ME3: variants seen among roughly 807,000 people sequenced by gnomAD.
The protein encoded by ME3 is NADP-dependent malic enzyme, mitochondrial.
Under a neutral mutation model 68.9 loss-of-function variants are expected in ME3, and 48 were observed. That is an observed-to-expected ratio of 0.70 (90% CI 0.55 to 0.89). ME3 has a LOEUF of 0.89. ME3 is among the 40% of genes least tolerant of loss of function. The probability of loss-of-function intolerance (pLI) is 0.00; values close to 1 mark genes in which losing one functional copy is unlikely to be tolerated. For missense variants in ME3, 675 were observed against 797.4 expected (o/e 0.85, Z 1.85); for synonymous variants, 320 against 318.8 (o/e 1.00, Z -0.04).
intron 2 of ME3, among the ~76,000 whole-genome samples, chr11:86,598,744 G>A (rs1960023664): frequency 6.6e-6 from 1 of 152,192 alleles, no homozygotes; most frequent in Non-Finnish European, 1.5e-5. Context: ...GTACTCCTCT[G>A]AGACAAAACT....
chr11:86,491,566 C>A (rs1174911097), intron 6 of ME3, among the ~76,000 whole-genome samples: 1 of 152,202 alleles, frequency 6.6e-6, no homozygotes, highest in Non-Finnish European at 1.5e-5. Context: ...GCTCCTATGG[C>A]TGACTTGGCA....
rs1016101264 is a variant in ME3, at chr11:86,458,768, C to T, written c.919+6323G>A. ...GGTGGGTGAGAGAGAGGGCAGTTGA[C>T]CCCCGACAGCTGGAAATAATCCCTG... On this transcript the variant is annotated intron_variant, in intron 8 of 14. Transcript: ENST00000543262. Among the ~76,000 whole-genome samples the T allele has an allele frequency of 2.0e-5, 3 of 152,142 alleles. No individual in the cohort carries two copies. In the South Asian group the frequency reaches 6.3e-4, roughly 32 times the overall value.
At chr11:86,569,383 C>T (rs548335923) in intron 2 of ME3, among the ~76,000 whole-genome samples, 1 of 152,166 alleles carries the variant, frequency 6.6e-6, no homozygotes, top group African/African-American at 2.4e-5. Flanking sequence ...TTCTCTGACC[C>T]CTTCCTCCTC....
intron 2 of ME3, among the ~76,000 whole-genome samples, chr11:86,603,920 G>GA (rs1207588980): frequency 1.6e-4 from 19 of 118,428 alleles, no homozygotes; most frequent in Admixed American, 6.8e-4. Flanking sequence ...ACAGGAAGGG[G>GA]AAAATCACAC....
chr11:86,637,181 T>TCTCCA (rs1430643809), intron 2 of ME3, among the ~76,000 whole-genome samples: 1 of 151,252 alleles, frequency 6.6e-6, no homozygotes, highest in East Asian at 1.9e-4. Context: ...ATTCAGGGAG[T>TCTCCA]CTCCATTAAC....
At chr11:86,652,544 T>G (rs1945523460) in intron 2 of ME3, among the ~76,000 whole-genome samples, 1 of 152,018 alleles carries the variant, frequency 6.6e-6, no homozygotes, top group Non-Finnish European at 1.5e-5. Context: ...AAGCAAATGC[T>G]GAGAGATTTT....
chr11:86,466,382 G>C (rs537546606), intron 7 of ME3, among the ~76,000 whole-genome samples: 1 of 152,316 alleles, frequency 6.6e-6, no homozygotes, highest in South Asian at 2.1e-4. Flanking sequence ...TCATGTCATT[G>C]AGAAAAAATG....
intron 4 of ME3, among the ~76,000 whole-genome samples, chr11:86,522,587 G>A (rs908675730): frequency 3.3e-5 from 5 of 151,804 alleles, no homozygotes; most frequent in African/African-American, 1.2e-4. Flanking sequence ...GTGTCTGTGT[G>A]TTTTCACTGT....
intron 12 of ME3, 52 bp from the exon 13 acceptor site, chr11:86,446,539 T>C (rs1949309132): frequency 5.1e-6 from 8 of 1,557,196 alleles, no homozygotes; most frequent in Non-Finnish European, 7.1e-6. Context: ...TTTGGGGTAA[T>C]AATAGTGGCC....
chr11:86,528,769 C>A (rs1331228882), intron 4 of ME3, among the ~76,000 whole-genome samples: 6 of 151,756 alleles, frequency 4.0e-5, no homozygotes, highest in Admixed American at 6.6e-5. Flanking sequence ...AGGTACATAA[C>A]AAAATGAAGG....
exon 12 of ME3, chr11:86,447,198 G>A: frequency 6.2e-7 from 1 of 1,614,014 alleles, no homozygotes; most frequent in Non-Finnish European, 8.5e-7. Flanking sequence ...TCCTGCGATG[G>A]CAGCAACACC....
intron 2 of ME3, among the ~76,000 whole-genome samples, chr11:86,565,655 A>G (rs1474395980): frequency 2.0e-5 from 3 of 152,246 alleles, no homozygotes; most frequent in Non-Finnish European, 4.4e-5. Context: ...GGTGAATTGT[A>G]TGGTATGTAA....
intron 5 of ME3, among the ~76,000 whole-genome samples, chr11:86,498,775 T>C (rs1952529677): frequency 1.3e-5 from 2 of 152,244 alleles, no homozygotes; most frequent in South Asian, 4.1e-4. Flanking sequence ...AATTAATAGA[T>C]ATGAATGAAG....
chr11:86,496,695 C>T (rs752606106), intron 6 of ME3, among the ~76,000 whole-genome samples: 4 of 152,124 alleles, frequency 2.6e-5, no homozygotes, highest in African/African-American at 2.4e-5. Context: ...AGACTAGAAA[C>T]AACCTAAGTG....
chr11:86,513,172 TAAG>T (rs1443420520), intron 4 of ME3, among the ~76,000 whole-genome samples: 8 of 152,306 alleles, frequency 5.3e-5, no homozygotes, highest in Non-Finnish European at 1.0e-4. Flanking sequence ...TTGTTGAAGA[TAAG>T]AAGGAGAGAG....
At chr11:86,556,573 G>C (rs1956936381) in exon 4 of ME3, 1 of 1,614,052 alleles carries the variant, frequency 6.2e-7, no homozygotes, top group Non-Finnish European at 8.5e-7. Flanking sequence ...GGAAAGTCAG[G>C]CCATAGTGCT....
intron 2 of ME3, among the ~76,000 whole-genome samples, chr11:86,627,685 T>C (rs1791333710): frequency 6.6e-6 from 1 of 152,128 alleles, no homozygotes; most frequent in African/African-American, 2.4e-5. Context: ...AGTATCAACC[T>C]CAAAATCATA....
In ME3 at chr11:86,480,735, G is replaced by T. The variant is rs550138049; in HGVS notation, c.809+6602C>A. 2.0e-5 allele frequency among the ~76,000 whole-genome samples: 3 copies of T among 152,346 alleles called. No homozygotes were observed. The East Asian group carries it at 5.8e-4, about 29-fold the overall frequency. On this transcript the variant is annotated intron_variant, in intron 7 of 14. Coordinates refer to ENST00000543262, the Ensembl canonical transcript of ME3. ...TGCAATTATTCCCCGCATGAAAGCA[G>T]CTGAAGTTCCTCAGGGCAAAGGGGA...
chr11:86,581,564 G>T (rs892430777), intron 2 of ME3, among the ~76,000 whole-genome samples: 3 of 152,118 alleles, frequency 2.0e-5, no homozygotes, highest in Non-Finnish European at 2.9e-5. Flanking sequence ...AAGCAGTTTG[G>T]GTAAAAAGTT....
Sources: allele counts gnomAD v4.1 joint callset (sites outside exome capture counted in the v4.1 genomes callset), GRCh38; gene constraint gnomAD v4.1.1; transcripts MANE v1.5; gene names NCBI Gene and HGNC (gene_info 2026-07-23, HGNC 2026-07-21).